The following ROBO1 variants were observed in gnomAD, a reference collection of about 807,000 sequenced individuals.
ROBO1 encodes roundabout homolog 1.
A neutral mutation model predicts 195.9 loss-of-function variants in ROBO1; 149 were observed. The ratio of observed to expected loss-of-function variants is 0.76; its 90% CI spans 0.67 to 0.87. The LOEUF (loss-of-function observed/expected upper bound fraction) is 0.87. Among genes scored for constraint, ROBO1 ranks in the 40% least tolerant of loss-of-function variants. The pLI is 0.00. For missense variants in ROBO1, 1,933 were observed against 2,068.3 expected (o/e 0.93, Z 1.27); for synonymous variants, 816 against 733.2 (o/e 1.11, Z -1.82).
chr3:79,625,932 G>A (rs1945164467), intron 1 of ROBO1, among the ~76,000 whole-genome samples: 1 of 152,132 alleles, frequency 6.6e-6, no homozygotes, highest in Non-Finnish European at 1.5e-5. Context: ...CCAATATCCT[G>A]ATAAACATCT....
chr3:78,955,138 A>AGTTATATAGGTAAATTGTGTGTCATGGG (rs1560044452), intron 3 of ROBO1, among the ~76,000 whole-genome samples: 8 of 103,438 alleles, frequency 7.7e-5, no homozygotes, highest in African/African-American at 4.3e-4. Flanking sequence ...TGTGTCATGG[A>AGTTATATAGGTAAATTGTGTGTCATGGG]GTTATATAGG....
chr3:79,680,398 A>T (rs975741238), intron 1 of ROBO1, among the ~76,000 whole-genome samples: 4 of 152,070 alleles, frequency 2.6e-5, no homozygotes, highest in African/African-American at 7.2e-5. Flanking sequence ...CATACTTGCT[A>T]ATGAAAATTT....
At chr3:78,863,713 A>C (rs1328470016) in intron 4 of ROBO1, among the ~76,000 whole-genome samples, 3 of 152,162 alleles carry the variant, frequency 2.0e-5, no homozygotes, top group Non-Finnish European at 4.4e-5. Context: ...TTTTAGTTAG[A>C]AGGCTAGGGA....
chr3:78,649,649 T>C (rs1706526032), intron 19 of ROBO1, among the ~76,000 whole-genome samples: 1 of 152,150 alleles, frequency 6.6e-6, no homozygotes, highest in African/African-American at 2.4e-5. Flanking sequence ...GATCTCAAAA[T>C]GCACTTAAAA....
chr3:79,060,545 G>C (rs2078897936), intron 3 of ROBO1, among the ~76,000 whole-genome samples: 1 of 151,810 alleles, frequency 6.6e-6, no homozygotes, highest in Admixed American at 6.6e-5. Context: ...TCGACACTTA[G>C]GGAAAACAGA....
At chr3:79,724,634 C>T (rs1702838954) in intron 1 of ROBO1, among the ~76,000 whole-genome samples, 1 of 152,190 alleles carries the variant, frequency 6.6e-6, no homozygotes, top group Admixed American at 6.5e-5. Flanking sequence ...CTGAGTCCCT[C>T]AGTCTAGTAT....
chr3:78,912,607 T>G (rs1368743428), intron 4 of ROBO1, among the ~76,000 whole-genome samples: 2 of 152,150 alleles, frequency 1.3e-5, no homozygotes, highest in African/African-American at 4.8e-5. Context: ...ACTTCCTTCC[T>G]TGTTCTTGAA....
intron 10 of ROBO1, among the ~76,000 whole-genome samples, chr3:78,677,527 G>T (rs1011461761): frequency 6.6e-6 from 1 of 151,856 alleles, no homozygotes; most frequent in South Asian, 2.1e-4. Flanking sequence ...TGCAATCCTA[G>T]TCTCTGATAA....
intron 2 of ROBO1, among the ~76,000 whole-genome samples, chr3:79,328,205 C>T (rs985319064): frequency 6.6e-6 from 1 of 152,032 alleles, no homozygotes; most frequent in Non-Finnish European, 1.5e-5. Context: ...TTAGATCTAG[C>T]AAAGGTTTTA....
rs193115301 is a variant in ROBO1 at position 78,656,906 on chromosome 3, C to G, written c.2614+192G>C. Among the ~76,000 whole-genome samples the G allele has an allele frequency of 7.4e-3, 1,129 of 152,220 alleles. 27 individuals are homozygous for G. The highest frequency in any genetic ancestry group is 0.052 in the Admixed American group (790 of 15,280). On this transcript the variant is annotated intron_variant, in intron 18 of 30. Coordinates refer to ENST00000464233, the MANE Select transcript of ROBO1 (RefSeq NM_002941.4). The stretch of plus-strand genomic sequence containing the variant: ...ATCTACATCTAGTCTGTCTCTCTCT[C>G]TCTCTCTTTCTCTCTCTCTCTCTTT...
intron 2 of ROBO1, among the ~76,000 whole-genome samples, chr3:79,557,014 T>A (rs983458207): frequency 6.9e-6 from 1 of 144,576 alleles, no homozygotes; most frequent in Non-Finnish European, 1.5e-5. Context: ...AATTCCTTTT[T>A]TTGTTGTTTT....
chr3:79,195,553 G>A (rs1241558648), intron 2 of ROBO1, among the ~76,000 whole-genome samples: 1 of 151,450 alleles, frequency 6.6e-6, no homozygotes, highest in African/African-American at 2.4e-5. Flanking sequence ...TATCTGATGA[G>A]TTTGTTCTTG....
chr3:79,020,740 A>G (rs1308670794), intron 3 of ROBO1, among the ~76,000 whole-genome samples: 1 of 152,166 alleles, frequency 6.6e-6, no homozygotes, highest in Non-Finnish European at 1.5e-5. Flanking sequence ...TGAAATACCT[A>G]ACATGCCGAA....
chr3:79,200,253 A>T (rs1352154056), intron 2 of ROBO1, among the ~76,000 whole-genome samples: 1 of 151,776 alleles, frequency 6.6e-6, no homozygotes, highest in Non-Finnish European at 1.5e-5. Context: ...GAGAAAGGTC[A>T]CTTAAATTCA....
At chr3:78,990,921 T>C (rs1015327427) in intron 3 of ROBO1, among the ~76,000 whole-genome samples, 2 of 152,156 alleles carry the variant, frequency 1.3e-5, no homozygotes, top group Admixed American at 6.5e-5. Context: ...CTCTTACACA[T>C]ACAGTTAAAA....
chr3:79,682,201 A>G (rs1158715128), intron 1 of ROBO1, among the ~76,000 whole-genome samples: 1 of 152,046 alleles, frequency 6.6e-6, no homozygotes, highest in Non-Finnish European at 1.5e-5. Context: ...GTTATTTCCT[A>G]TGGAAGAAAC....
At chr3:78,955,605 A>G (rs2041010519) in intron 3 of ROBO1, among the ~76,000 whole-genome samples, 1 of 152,112 alleles carries the variant, frequency 6.6e-6, no homozygotes, top group Non-Finnish European at 1.5e-5. Context: ...AATTCGCCAA[A>G]AGTCAATAAA....
At chr3:79,178,737 C>A (rs1201817063) in intron 2 of ROBO1, among the ~76,000 whole-genome samples, 1 of 152,090 alleles carries the variant, frequency 6.6e-6, no homozygotes, top group African/African-American at 2.4e-5. Context: ...AGACAGATCC[C>A]CAAAGTGCCC....
chr3:79,513,152 T>C (rs1406008952), intron 2 of ROBO1, among the ~76,000 whole-genome samples: 1 of 152,130 alleles, frequency 6.6e-6, no homozygotes, highest in Non-Finnish European at 1.5e-5. Flanking sequence ...CAACAGTATA[T>C]TTAATGAAGT....
Sources: allele counts gnomAD v4.1 joint callset (sites outside exome capture counted in the v4.1 genomes callset), GRCh38; gene constraint gnomAD v4.1.1; transcripts MANE v1.5; gene names NCBI Gene and HGNC (gene_info 2026-07-23, HGNC 2026-07-21).